Variants in CDH13 observed in about 807,000 individuals in gnomAD.
The protein encoded by CDH13 is cadherin 13.
A neutral mutation model predicts 63.8 loss-of-function variants in CDH13; 24 were observed. The ratio of observed to expected loss-of-function variants is 0.38; its 90% CI spans 0.27 to 0.53. CDH13 has a LOEUF of 0.53. Ranked by LOEUF, CDH13 falls within the 20% of genes least tolerant of loss-of-function variation. The pLI is 0.85. For missense variants in CDH13, 1,049 were observed against 903.1 expected, an observed-to-expected ratio of 1.16 and a Z score of -2.07; for synonymous variants, 503 against 355.3, an observed-to-expected ratio of 1.42 and a Z score of -4.67.
chr16:83,382,619 T>A (rs1306389514), intron 6 of CDH13, among the ~76,000 whole-genome samples: 7 of 152,104 alleles, frequency 4.6e-5, no homozygotes, highest in Admixed American at 4.6e-4. Context: ...ACCCAGTGCA[T>A]CAATACATTG....
chr16:83,280,439 C>G (rs577097272), intron 5 of CDH13, among the ~76,000 whole-genome samples: 68 of 152,330 alleles, frequency 4.5e-4, no homozygotes, highest in African/African-American at 1.6e-3. Context: ...ACTTCTAATT[C>G]TAGCTCTCGT....
chr16:82,973,530 A>C (rs2151374513), intron 2 of CDH13, among the ~76,000 whole-genome samples: 1 of 152,296 alleles, frequency 6.6e-6, no homozygotes, highest in African/African-American at 2.4e-5. Flanking sequence ...AAGGAAAACA[A>C]GGTGTAGTCC....
At chr16:82,888,513 C>A (rs896846473) in intron 2 of CDH13, among the ~76,000 whole-genome samples, 2 of 152,228 alleles carry the variant, frequency 1.3e-5, no homozygotes, top group African/African-American at 4.8e-5. Flanking sequence ...TCTGCTCCCC[C>A]ACAGCATCTC....
At chr16:83,111,526 G>A (rs983452406) in intron 3 of CDH13, among the ~76,000 whole-genome samples, 7 of 152,190 alleles carry the variant, frequency 4.6e-5, no homozygotes, top group Non-Finnish European at 1.0e-4. Flanking sequence ...ACATCACATG[G>A]GAGAGAGTTG....
chr16:82,659,881 C>T (rs1395862729), intron 1 of CDH13, among the ~76,000 whole-genome samples: 1 of 152,136 alleles, frequency 6.6e-6, no homozygotes, highest in Non-Finnish European at 1.5e-5. Flanking sequence ...TTGGAAGCCC[C>T]ATCCTCACTG....
intron 10 of CDH13, among the ~76,000 whole-genome samples, chr16:83,690,130 G>A (rs1763624229): frequency 6.6e-6 from 1 of 152,108 alleles, no homozygotes; most frequent in Admixed American, 6.5e-5. Context: ...CCAAGATCAC[G>A]CCACTGCACT....
At chr16:83,051,676 G>A (rs763349392) in intron 3 of CDH13, among the ~76,000 whole-genome samples, 6 of 152,214 alleles carry the variant, frequency 3.9e-5, no homozygotes, top group Non-Finnish European at 7.3e-5. Context: ...CTTAGAGCAA[G>A]ATCTCTTAAG....
chr16:83,588,835 G>A (rs1032618105), intron 7 of CDH13, among the ~76,000 whole-genome samples: 2 of 152,218 alleles, frequency 1.3e-5, no homozygotes, highest in African/African-American at 4.8e-5. Context: ...TGGGAAGCTG[G>A]CAGGTGGGCG....
At chr16:83,149,648 G>A (rs2036890360) in intron 4 of CDH13, among the ~76,000 whole-genome samples, 1 of 152,134 alleles carries the variant, frequency 6.6e-6, no homozygotes, top group Admixed American at 6.5e-5. Context: ...ATGAAGAAAG[G>A]AAGTTACACT....
intron 4 of CDH13, among the ~76,000 whole-genome samples, chr16:83,171,836 C>T (rs952623594): frequency 5.9e-5 from 9 of 152,096 alleles, no homozygotes; most frequent in African/African-American, 2.2e-4. Flanking sequence ...CGGTGCAGAT[C>T]AACATAAGAA....
chr16:82,627,337 C>CGTGTGTGTGT lies in CDH13; in HGVS notation c.45+235_45+244dup, dbSNP rs71146081. Among the ~76,000 whole-genome samples the CGTGTGTGTGT allele has an allele frequency of 5.5e-3, 726 of 131,216 alleles. 13 individuals are homozygous for CGTGTGTGTGT. Among genetic ancestry groups the CGTGTGTGTGT allele is most frequent in the Middle Eastern group, 0.022 (5 of 230 alleles). The allele number at this position is 131,216 out of a possible 152,430, so 86.1% of individuals were successfully genotyped here. A position where few individuals can be genotyped will look rare whatever the true frequency, so the allele number is the denominator to read the frequency against. On this transcript the variant is annotated intron_variant, in intron 1 of 13. Coordinates refer to ENST00000567109, the MANE Select transcript of CDH13 (RefSeq NM_001257.5). ...ACACACAGGCTCCCACTCTGGCGTGCGTGTGTGTGTGTGTGTGTGTGTGTG... is the reference window on the plus strand; with the variant it reads ...ACACACAGGCTCCCACTCTGGCGTGCGTGTGTGTGTGTGTGTGTGTGTGTGTGTGTGTGTG...
chr16:83,417,437 C>G (rs1278605148), intron 6 of CDH13, among the ~76,000 whole-genome samples: 2 of 152,138 alleles, frequency 1.3e-5, no homozygotes, highest in Non-Finnish European at 2.9e-5. Flanking sequence ...TTGAACTGTC[C>G]TCTTTATCTT....
intron 4 of CDH13, among the ~76,000 whole-genome samples, chr16:83,146,798 A>T (rs2036769042): frequency 6.6e-6 from 1 of 152,236 alleles, no homozygotes; most frequent in African/African-American, 2.4e-5. Flanking sequence ...TAAAAAGGCC[A>T]GGGATGGGGC....
intron 13 of CDH13, among the ~76,000 whole-genome samples, chr16:83,787,333 T>A (rs1482062495): frequency 6.6e-6 from 1 of 152,208 alleles, no homozygotes; most frequent in Non-Finnish European, 1.5e-5. Flanking sequence ...TTCTGTCTTT[T>A]GTACCACCCT....
At chr16:83,542,563 C>T (rs534518039) in intron 7 of CDH13, among the ~76,000 whole-genome samples, 2 of 152,330 alleles carry the variant, frequency 1.3e-5, no homozygotes, top group East Asian at 3.9e-4. Flanking sequence ...GAAATGTATT[C>T]TCCCATGGTT....
In CDH13 at chr16:82,904,301, A is replaced by G. The variant is rs1012576399; in HGVS notation, c.157+45828A>G. ...GGAAATGTTTTTTGGAAATCCTAGT[A>G]CTTCAGAAGGCTTTGGCATCCAAAT... On this transcript the variant is annotated intron_variant, in intron 2 of 13. Coordinates refer to ENST00000567109, the MANE Select transcript of CDH13 (RefSeq NM_001257.5). Among the ~76,000 whole-genome samples, 10 of 152,210 alleles carry G rather than the reference A, an allele frequency of 6.6e-5. No homozygotes were observed. The East Asian group carries it at 1.9e-3, about 29-fold the overall frequency.
At chr16:83,731,717 A>G (rs534819401) in intron 10 of CDH13, among the ~76,000 whole-genome samples, 4 of 152,260 alleles carry the variant, frequency 2.6e-5, no homozygotes, top group Non-Finnish European at 5.9e-5. Flanking sequence ...GCAGAATGCT[A>G]TTTCCTAGGT....
chr16:82,695,740 C>A (rs752552792), intron 1 of CDH13, among the ~76,000 whole-genome samples: 1 of 152,168 alleles, frequency 6.6e-6, no homozygotes, highest in South Asian at 2.1e-4. Flanking sequence ...GTTAGAACAG[C>A]AGGAGATTTG....
intron 10 of CDH13, among the ~76,000 whole-genome samples, chr16:83,700,924 A>T (rs1443902962): frequency 2.6e-5 from 4 of 152,156 alleles, no homozygotes; most frequent in Non-Finnish European, 5.9e-5. Flanking sequence ...TTTGATTAAC[A>T]AGGATGAATG....
Sources: allele counts gnomAD v4.1 joint callset (sites outside exome capture counted in the v4.1 genomes callset), GRCh38; gene constraint gnomAD v4.1.1; transcripts MANE v1.5; gene names NCBI Gene and HGNC (gene_info 2026-07-23, HGNC 2026-07-21).